The following MRPS30 variants were observed in gnomAD, a reference collection of about 807,000 sequenced individuals.
The protein encoded by MRPS30 is large ribosomal subunit protein mL65.
Under a neutral mutation model 43.8 loss-of-function variants are expected in MRPS30, and 42 were observed. The observed-to-expected ratio is 0.96, with a 90% CI of 0.75 to 1.24. The LOEUF is 1.24. Ranked by LOEUF, MRPS30 falls within the 50% of genes most tolerant of loss-of-function variation. The pLI is 0.00. For missense variants in MRPS30, 638 were observed against 570.0 expected, an observed-to-expected ratio of 1.12 and a Z score of -1.22; for synonymous variants, 273 against 228.2, an observed-to-expected ratio of 1.20 and a Z score of -1.77.
chr5:44,809,136 A>C lies in MRPS30; in HGVS notation c.174A>C (p.Ala58=), dbSNP rs1742772652. 1 of 1,612,062 alleles carries C rather than the reference A, an allele frequency of 6.2e-7. No individual in the cohort carries two copies. The highest frequency in any genetic ancestry group is 8.5e-7 in the Non-Finnish European group (1 of 1,179,504). ...VASMTADSKA[A]RLRRIERWQA... is the part of the protein sequence containing the mutation. ...CCATGACAGCCGACAGCAAAGCTGC[A>C]CGGCTGCGGCGGATCGAGCGCTGGC... The change falls in exon 1 of 5, where the codon GCA becomes GCC. Residue 58 remains alanine (A), a synonymous_variant. Coordinates refer to ENST00000507110, the MANE Select transcript of MRPS30 (RefSeq NM_016640.4).
Position 44,815,016 on chromosome 5 carries a change from A to G in MRPS30, c.1134A>G (p.Ala378=), listed in dbSNP as rs1218798201. ...TCTGCTACCAGCTAAATACTTTGGC[A>G]CTGACTACACAAGCTGATCAAAATA... ...SFFCYQLNTL[A]LTTQADQNNP... Residue 378 remains alanine, a synonymous_variant, in exon 5 of 5, where the codon GCA becomes GCG. Transcript: ENST00000507110. The G allele has an allele frequency of 6.2e-7, 1 of 1,613,926 alleles. No homozygotes were observed.
At chr5:44,812,759 C>T (rs1012174935) in intron 3 of MRPS30, among the ~76,000 whole-genome samples, 1 of 151,564 alleles carries the variant, frequency 6.6e-6, no homozygotes, top group African/African-American at 2.4e-5. Context: ...TGGCTGTATC[C>T]TCTTAGTTAA....
At position 44,809,090 on chromosome 5, in the gene MRPS30, G is replaced by C; in HGVS notation, c.128G>C (p.Arg43Pro). The change falls in exon 1 of 5, where the codon CGG becomes CCG. Residue 43 changes from arginine to proline, a missense_variant. Transcript: ENST00000507110. ...CQDVAATPVARYPPIVASMTA... is the reference protein window; with the variant it reads ...CQDVAATPVAPYPPIVASMTA... The stretch of plus-strand genomic sequence containing the variant: ...GACGTCGCGGCGACCCCCGTCGCGC[G>C]GTACCCGCCGATTGTGGCCTCCATG... The C allele has an allele frequency of 8.7e-6, 14 of 1,609,558 alleles. No homozygotes were observed. The highest frequency in any genetic ancestry group is 1.2e-5 in the Non-Finnish European group (14 of 1,178,612).
rs746148942 is a variant in MRPS30 at position 44,808,955 on chromosome 5, G to A, written c.-8G>A. The A allele has an allele frequency of 1.3e-6, 2 of 1,585,666 alleles. No individual in the cohort carries two copies. Among genetic ancestry groups the A allele is most frequent in the Non-Finnish European group, 8.6e-7 (1 of 1,167,614 alleles). On this transcript the variant is annotated 5_prime_UTR_variant, in exon 1 of 5. Coordinates refer to ENST00000507110, the MANE Select transcript of MRPS30 (RefSeq NM_016640.4). ...AGTTGACCTCTGGGTCCGGAATCGC[G>A]GGCAAAGATGGCGGCGGCCAGGTGT...
intron 4 of MRPS30, 113 bp from the exon 5 acceptor site, chr5:44,814,800 A>G (rs1210576380): frequency 8.4e-6 from 8 of 956,838 alleles, no homozygotes; most frequent in South Asian, 1.7e-5. Context: ...ATTTTGTTAC[A>G]TAAAGTATCT....
rs759839290 is a variant in MRPS30, at chr5:44,815,106, T to C, written c.1224T>C (p.Asn408=). 1 of 1,612,298 alleles carries C rather than the reference T, an allele frequency of 6.2e-7. No homozygotes were observed. The highest frequency in any genetic ancestry group is 1.1e-5 in the South Asian group (1 of 91,046). Residue 408 remains asparagine (N), a synonymous_variant, in exon 5 of 5, where the codon AAT becomes AAC. Transcript: ENST00000507110. ...CTCTTTATGAAACAATTGAGGATAATGATGTGAAAGGTTTTAATGATGATG... is the reference window on the plus strand; with the variant it reads ...CTCTTTATGAAACAATTGAGGATAACGATGTGAAAGGTTTTAATGATGATG... ...SKPLYETIED[N]DVKGFNDDVL... is the part of the protein sequence containing the mutation.
chr5:44,809,064 A>G lies in MRPS30; in HGVS notation c.102A>G (p.Gln34=), dbSNP rs1579854350. Residue 34 remains glutamine, a synonymous_variant, in exon 1 of 5, where the codon CAA becomes CAG. Coordinates refer to ENST00000507110, the MANE Select transcript of MRPS30 (RefSeq NM_016640.4). The stretch of plus-strand genomic sequence containing the variant: ...CCACGGCTACAGAAACGACCTGCCA[A>G]GACGTCGCGGCGACCCCCGTCGCGC... The part of the protein sequence containing the change: ...AAATATETTC[Q]DVAATPVARY... The G allele has an allele frequency of 2.5e-6, 4 of 1,610,346 alleles. No homozygotes were observed. The African/African-American group carries it at 4.0e-5, about 16-fold the overall frequency.
intron 4 of MRPS30, 36 bp from the exon 5 acceptor site, chr5:44,814,877 T>G: frequency 1.9e-6 from 3 of 1,551,812 alleles, no homozygotes; most frequent in Non-Finnish European, 2.6e-6. Flanking sequence ...TAAGATATAT[T>G]CTATGTGTAA....
Position 44,809,300 on chromosome 5 carries a change from T to C in MRPS30, c.338T>C (p.Val113Ala). ...DRWYQYFTKT[V>A]FLSGLPPPPA... ...TGGTACCAGTACTTCACCAAGACCG[T>C]GTTCCTGTCGGGTCTGCCGCCGCCC... Residue 113 changes from valine to alanine, a missense_variant, in exon 1 of 5, where the codon GTG becomes GCG. Physicochemically the swap from Val to Ala is moderately conservative, Grantham distance 64. Transcript: ENST00000507110. 6.2e-7 allele frequency: 1 copy of C among 1,613,098 alleles called. No homozygotes were observed. Among genetic ancestry groups the C allele is most frequent in the Non-Finnish European group, 8.5e-7 (1 of 1,179,762 alleles).
At chr5:44,814,863 T>C in intron 4 of MRPS30, 50 bp from the exon 5 acceptor site, 9 of 1,487,510 alleles carry the variant, frequency 6.1e-6, no homozygotes, top group Non-Finnish European at 8.2e-6. Flanking sequence ...TTGTTTTGTT[T>C]GGGTAAGATA....
At position 44,809,349 on chromosome 5, in the gene MRPS30, C is replaced by G. The variant is rs372322665; in HGVS notation, c.387C>G (p.Pro129=). The stretch of plus-strand genomic sequence containing the variant: ...CCCCAGCGGAGCCCGAGCCCGAGCC[C>G]GAACCCGAACCTGAACCTGCGCTGG... ...PPPPAEPEPE[P]EPEPEPALDL... is the part of the protein sequence containing the mutation. Residue 129 remains proline (P), a synonymous_variant, in exon 1 of 5, where the codon CCC becomes CCG. Coordinates refer to ENST00000507110, the MANE Select transcript of MRPS30 (RefSeq NM_016640.4). The G allele has an allele frequency of 2.5e-6, 4 of 1,607,960 alleles. No homozygotes were observed. The African/African-American group carries it at 5.4e-5, about 22-fold the overall frequency.
chr5:44,809,659 T>G lies in MRPS30; in HGVS notation c.601+96T>G, dbSNP rs560480241. The G allele has an allele frequency of 3.0e-6, 4 of 1,319,940 alleles. No individual in the cohort carries two copies. In the South Asian group the frequency reaches 4.3e-5, roughly 14 times the overall value. The allele number at this position is 1,319,940 out of a possible 1,614,324, so 81.8% of individuals were successfully genotyped here. ...TTACCCCTCGTCATTTCTTTCTCTC[T>G]GCTTCGTTCATGTTTTCCTAGTCCT... is the stretch of plus-strand genomic sequence containing the variant. On this transcript the variant is annotated intron_variant, in intron 1 of 4. Transcript: ENST00000507110.
intron 3 of MRPS30, 110 bp downstream of exon 3, chr5:44,812,130 C>G: frequency 1.4e-6 from 1 of 690,428 alleles, no homozygotes; most frequent in South Asian, 2.1e-5. Context: ...GAGAGGTTTA[C>G]ATAGTCTATG....
chr5:44,812,414 C>T (rs1005419876), intron 3 of MRPS30, among the ~76,000 whole-genome samples: 12 of 152,076 alleles, frequency 7.9e-5, no homozygotes, highest in African/African-American at 2.9e-4. Context: ...TTCATAATGT[C>T]TGATGTCTGC....
intron 4 of MRPS30, among the ~76,000 whole-genome samples, chr5:44,814,221 AGTAAT>A: frequency 6.6e-6 from 1 of 152,374 alleles, no homozygotes; most frequent in East Asian, 1.9e-4. Flanking sequence ...TAAAACCTGA[AGTAAT>A]GTAATATGAA....
chr5:44,815,058 A>T lies in MRPS30; in HGVS notation c.1176A>T (p.Ile392=). 4.3e-6 allele frequency: 7 copies of T among 1,613,820 alleles called. No homozygotes were observed. Among genetic ancestry groups the T allele is most frequent in the Non-Finnish European group, 5.9e-6 (7 of 1,179,784 alleles). ...ATCAAAATAACCCTCGTAAAAATAT[A>T]TGTTGGGGTACACAAAGTAAGCCTC... The part of the protein sequence containing the change: ...QADQNNPRKN[I]CWGTQSKPLY... Residue 392 remains isoleucine, a synonymous_variant, in exon 5 of 5, where the codon ATA becomes ATT. Coordinates refer to ENST00000507110, the MANE Select transcript of MRPS30 (RefSeq NM_016640.4).
chr5:44,811,011 T>C lies in MRPS30; in HGVS notation c.604T>C (p.Tyr202His). The change falls in exon 2 of 5, where the codon TAT (tyrosine) becomes CAT (histidine). Residue 202 changes from tyrosine to histidine, a missense_variant and splice_region_variant. Coordinates refer to ENST00000507110, the MANE Select transcript of MRPS30 (RefSeq NM_016640.4). Reference protein sequence around the residue: ...NPALAAAALDYRCPVHFYWVR... With the variant: ...NPALAAAALDHRCPVHFYWVR... ...AATTTTGAATATCTTTTTGATAGAT[T>C]ATAGATGCCCAGTTCATTTTTACTG... 6.2e-7 allele frequency: 1 copy of C among 1,613,492 alleles called. No individual in the cohort carries two copies. The highest frequency in any genetic ancestry group is 8.5e-7 in the Non-Finnish European group (1 of 1,179,706).
rs368141641 is a variant in MRPS30, at chr5:44,815,117, G to A, written c.1235G>A (p.Gly412Asp). 1.2e-6 allele frequency: 2 copies of A among 1,612,334 alleles called. No homozygotes were observed. The part of the protein sequence containing the change: ...YETIEDNDVK[G>D]FNDDVLLQIV... ...ACAATTGAGGATAATGATGTGAAAGGTTTTAATGATGATGTTCTACTTCAG... is the reference window on the plus strand; with the variant it reads ...ACAATTGAGGATAATGATGTGAAAGATTTTAATGATGATGTTCTACTTCAG... The change falls in exon 5 of 5, where the codon GGT becomes GAT. Residue 412 changes from glycine to aspartate, a missense_variant. Coordinates refer to ENST00000507110, the MANE Select transcript of MRPS30 (RefSeq NM_016640.4).
At chr5:44,812,706 AGT>A (rs1223688303) in intron 3 of MRPS30, among the ~76,000 whole-genome samples, 3 of 151,920 alleles carry the variant, frequency 2.0e-5, no homozygotes, top group African/African-American at 7.3e-5. Flanking sequence ...TTAGGAGCAA[AGT>A]GTGTAATTAT....
Sources: gnomAD v4.1 joint callset for allele counts (sites outside exome capture counted in the v4.1 genomes callset) on GRCh38, gnomAD v4.1.1 for gene constraint, MANE v1.5 for transcripts, NCBI Gene and HGNC (gene_info 2026-07-23, HGNC 2026-07-21) for gene names.